ABR: variants seen among roughly 807,000 people sequenced by gnomAD.
ABR encodes the protein active breakpoint cluster region-related protein.
ABR carries 35 observed loss-of-function variants against 107.2 expected under a neutral mutation model. The observed-to-expected ratio is 0.33, with a 90% CI of 0.25 to 0.43. The LOEUF is 0.43. Ranked by LOEUF, ABR falls within the 20% of genes least tolerant of loss-of-function variation. The pLI, the probability that ABR is intolerant of heterozygous loss-of-function variation, is 1.00. For missense variants in ABR, 815 were observed against 1,115.2 expected, an observed-to-expected ratio of 0.73 and a Z score of 3.83; for synonymous variants, 498 against 462.0, an observed-to-expected ratio of 1.08 and a Z score of -1.00.
At chr17:1,088,403 A>AGT (rs1321131227) in intron 4 of ABR, among the ~76,000 whole-genome samples, 2 of 151,560 alleles carry the variant, frequency 1.3e-5, no homozygotes, top group Admixed American at 1.3e-4. Flanking sequence ...CTAGAACCAG[A>AGT]GTGTGGCATT....
At chr17:1,120,551 T>A (rs2039301815) in intron 2 of ABR, among the ~76,000 whole-genome samples, 1 of 152,208 alleles carries the variant, frequency 6.6e-6, no homozygotes, top group Non-Finnish European at 1.5e-5. Context: ...AGTGCTGGGA[T>A]GACAGGCGTG....
intron 16 of ABR, among the ~76,000 whole-genome samples, chr17:1,039,863 C>T (rs985160888): frequency 1.2e-4 from 19 of 152,296 alleles, no homozygotes; most frequent in African/African-American, 3.8e-4. Context: ...TGGCGGGCGC[C>T]GACGCGGGCT....
chr17:1,054,619 TCA>T lies in ABR; in HGVS notation c.1561+1414_1561+1415del, dbSNP rs1567662635. ...TGAGGGGATGGGGGCACAAGGAACC[TCA>T]GGGGATGTGGGCACAAGGAACCTCA... is the stretch of plus-strand genomic sequence containing the variant. On this transcript the variant is annotated intron_variant, in intron 14 of 22. Coordinates refer to ENST00000302538, the MANE Select transcript of ABR (RefSeq NM_021962.5). 7.5e-3 allele frequency among the ~76,000 whole-genome samples: 141 copies of T among 18,740 alleles called. 2 individuals are homozygous for T. Among genetic ancestry groups the T allele is most frequent in the Middle Eastern group, 0.045 (1 of 22 alleles). The allele number at this position is 18,740 out of a possible 152,430, so 12.3% of individuals were successfully genotyped here. A position where few individuals can be genotyped will look rare whatever the true frequency, so the allele number is the denominator to read the frequency against.
chr17:1,057,292 A>C (rs2033393029), intron 12 of ABR, among the ~76,000 whole-genome samples, 190 bp from the exon 13 acceptor site: 1 of 144,128 alleles, frequency 6.9e-6, no homozygotes, highest in Non-Finnish European at 1.5e-5. Flanking sequence ...GAGTAGGAGA[A>C]TCTAACTGAA....
At chr17:1,085,211 C>G (rs536010973) in intron 4 of ABR, among the ~76,000 whole-genome samples, 5 of 148,496 alleles carry the variant, frequency 3.4e-5, no homozygotes, top group Non-Finnish European at 7.4e-5. Flanking sequence ...CTCCCAGGTT[C>G]GCGCCATTCT....
Position 1,010,908 on chromosome 17 carries a change from A to G in ABR, c.2102-45T>C. The G allele has an allele frequency of 6.2e-7, 1 of 1,608,586 alleles. No individual in the cohort carries two copies. The highest frequency in any genetic ancestry group is 1.1e-5 in the South Asian group (1 of 90,816). On this transcript the variant is annotated intron_variant, in intron 19 of 22. Transcript: ENST00000302538. The surrounding 1 kb of genome is among the most constrained non-coding windows in gnomAD (Gnocchi z 4.1). ...GTCAGGCAGCCTTAGCTGGGCCAGCAGCCCCGTTCCACCCCCGACCCATCC... is the reference window on the plus strand; with the variant it reads ...GTCAGGCAGCCTTAGCTGGGCCAGCGGCCCCGTTCCACCCCCGACCCATCC...
At chr17:1,008,544 C>G (rs1320315677) in intron 21 of ABR, among the ~76,000 whole-genome samples, 3 of 152,262 alleles carry the variant, frequency 2.0e-5, no homozygotes, top group Non-Finnish European at 4.4e-5. Context: ...CACTCCTCCC[C>G]ACAAGGCTTG....
At position 1,179,129 on chromosome 17, in the gene ABR, A is replaced by AC. The variant is rs1598065675; in HGVS notation, c.61+537dup. The stretch of plus-strand genomic sequence containing the variant: ...CCAAACGGCCCCCGCGGATATCTGC[A>AC]CCCCCCGTCTCCCCTCCCACCCGAT... On this transcript the variant is annotated intron_variant, in intron 1 of 22. Transcript: ENST00000302538. This position sits in a 1 kb window ranked among gnomAD's most constrained non-coding sequence, Gnocchi z 4.9. Among the ~76,000 whole-genome samples the AC allele has an allele frequency of 6.6e-6, 1 of 150,734 alleles. No individual in the cohort carries two copies. Among genetic ancestry groups the AC allele is most frequent in the South Asian group, 2.1e-4 (1 of 4,780 alleles).
rs867163038 is a variant in ABR at position 1,200,721 on chromosome 17, G to A, written c.838+28072C>T. 1.3e-4 allele frequency among the ~76,000 whole-genome samples: 20 copies of A among 152,192 alleles called. No homozygotes were observed. Among genetic ancestry groups the A allele is most frequent in the Non-Finnish European group, 2.5e-4 (17 of 68,046 alleles). On this transcript the variant is annotated intron_variant, in intron 1 of 22. Coordinates refer to the ABR transcript ENST00000574139. The surrounding 1 kb of genome is among the most constrained non-coding windows in gnomAD (Gnocchi z 4.1). ...GATCCCCAGGTGGAAACCCGGGCACGTCATCCCGGTTTGTTCATGGTGCAA... is the reference window on the plus strand; with the variant it reads ...GATCCCCAGGTGGAAACCCGGGCACATCATCCCGGTTTGTTCATGGTGCAA...
In ABR at chr17:1,057,950, TG is replaced by T. The variant is rs746662335; in HGVS notation, c.1381+19del. 1 of 1,608,310 alleles carries T rather than the reference TG, an allele frequency of 6.2e-7. No homozygotes were observed. The highest frequency in any genetic ancestry group is 8.5e-7 in the Non-Finnish European group (1 of 1,175,008). The stretch of plus-strand genomic sequence containing the variant: ...ATGCCACGGACATCATTGGGGAGCG[TG>T]GAAGAGGCAGGAATTTACCCTTCTT... On this transcript the variant is annotated intron_variant, in intron 12 of 22. Coordinates refer to ENST00000302538, the MANE Select transcript of ABR (RefSeq NM_021962.5).
chr17:1,060,314 G>C (rs2033778571), intron 10 of ABR, among the ~76,000 whole-genome samples: 1 of 152,116 alleles, frequency 6.6e-6, no homozygotes, highest in Non-Finnish European at 1.5e-5. Flanking sequence ...GGAGGCTGAG[G>C]CACGAGAATC....
intron 1 of ABR, among the ~76,000 whole-genome samples, chr17:1,205,809 G>A (rs919678256): frequency 5.9e-5 from 9 of 152,194 alleles, no homozygotes; most frequent in African/African-American, 2.2e-4. Context: ...TGGATGTGGT[G>A]GTGCATGCCT....
rs115931650 is a variant in ABR at position 1,163,310 on chromosome 17, G to A, written c.61+16357C>T. ...TGATTTTTTGTGTCGACTCTGTATC[G>A]ACCCTGTAAAAGCAAAATCTCAATG... On this transcript the variant is annotated intron_variant, in intron 1 of 22. Transcript: ENST00000302538. Among the ~76,000 whole-genome samples, 1,257 of 152,276 alleles carry A rather than the reference G, an allele frequency of 8.3e-3. 19 individuals carry two copies. The highest frequency in any genetic ancestry group is 0.029 in the African/African-American group (1,192 of 41,540).
chr17:1,215,830 G>T (rs1391727203), intron 1 of ABR, among the ~76,000 whole-genome samples: 1 of 152,082 alleles, frequency 6.6e-6, no homozygotes, highest in East Asian at 1.9e-4. Context: ...TTCTGTACTG[G>T]GAGAAAATCT....
rs1352802601 is a variant in ABR at position 1,037,594 on chromosome 17, G to A, written c.1791+12456C>T. On this transcript the variant is annotated intron_variant, in intron 16 of 22. Transcript: ENST00000302538. The surrounding 1 kb of genome is among the most constrained non-coding windows in gnomAD (Gnocchi z 4.6). ...AACAAAACTCACCCAGGGACAGAGT[G>A]GGCAGGGCGTGGCCCCTCAGTATGC... Among the ~76,000 whole-genome samples, 3 of 152,226 alleles carry A rather than the reference G, an allele frequency of 2.0e-5. No individual in the cohort carries two copies. The East Asian group carries it at 5.8e-4, about 29-fold the overall frequency.
intron 1 of ABR, among the ~76,000 whole-genome samples, chr17:1,151,712 G>C (rs182790390): frequency 3.9e-5 from 6 of 152,270 alleles, no homozygotes; most frequent in Non-Finnish European, 7.4e-5. Flanking sequence ...CCCTTTTTGG[G>C]CAGGTCACTT....
At chr17:1,137,223 T>C (rs2040107189) in intron 1 of ABR, among the ~76,000 whole-genome samples, 2 of 152,078 alleles carry the variant, frequency 1.3e-5, no homozygotes, top group East Asian at 3.9e-4. Context: ...TCTCTATTTT[T>C]AGTAGCGATG....
intron 1 of ABR, among the ~76,000 whole-genome samples, chr17:1,202,000 G>A (rs2042681051): frequency 6.6e-6 from 1 of 152,010 alleles, no homozygotes; most frequent in Non-Finnish European, 1.5e-5. Flanking sequence ...TTCTTAAAAA[G>A]TCAAAGCAAC....
At chr17:1,069,684 A>G (rs891138866) in intron 9 of ABR, among the ~76,000 whole-genome samples, 9 of 152,190 alleles carry the variant, frequency 5.9e-5, no homozygotes, top group African/African-American at 2.2e-4. Flanking sequence ...AAGAAAAAAA[A>G]CCAACAAAGT....
Sources: gnomAD v4.1 joint callset for allele counts (sites outside exome capture counted in the v4.1 genomes callset) on GRCh38, gnomAD v4.1.1 for gene constraint, Gnocchi (gnomAD v3.1) non-coding constraint, MANE v1.5 for transcripts, NCBI Gene and HGNC (gene_info 2026-07-23, HGNC 2026-07-21) for gene names.